Variants in FAM171A1 observed in about 807,000 individuals in gnomAD.
The protein encoded by FAM171A1 is family with sequence similarity 171 member A1.
Under a neutral mutation model 74.9 loss-of-function variants are expected in FAM171A1, and 23 were observed. That is an observed-to-expected ratio of 0.31 (90% CI 0.22 to 0.44). The LOEUF (loss-of-function observed/expected upper bound fraction) is 0.44. Among genes scored for constraint, FAM171A1 ranks in the 20% least tolerant of loss-of-function variants. The pLI is 1.00. For synonymous variants in FAM171A1, 527 were observed against 505.7 expected (o/e 1.04, Z -0.57); for missense variants, 1,162 against 1,159.2 (o/e 1.00, Z -0.03).
In FAM171A1 at chr10:15,367,896, A is replaced by G. The variant is rs148780057; in HGVS notation, c.97+3060T>C. On this transcript the variant is annotated intron_variant, in intron 1 of 7. Coordinates refer to ENST00000378116, the MANE Select transcript of FAM171A1 (RefSeq NM_001010924.2). ...CTCTGACCTTCCTTTTGGCACATAA[A>G]TAAGAGTGCTGGGCTTCAAAAACAC... Among the ~76,000 whole-genome samples, 16 of 152,332 alleles carry G rather than the reference A, an allele frequency of 1.1e-4. No homozygotes were observed. The East Asian group carries it at 2.7e-3, about 26-fold the overall frequency.
chr10:15,347,603 C>T (rs1835831242), intron 1 of FAM171A1, among the ~76,000 whole-genome samples: 3 of 151,608 alleles, frequency 2.0e-5, no homozygotes, highest in South Asian at 2.1e-4. Flanking sequence ...TTTGGGAGGC[C>T]GAGGCGAGTG....
chr10:15,310,287 T>C (rs1046747428), intron 1 of FAM171A1, among the ~76,000 whole-genome samples: 20 of 152,186 alleles, frequency 1.3e-4, no homozygotes, highest in Admixed American at 6.5e-5. Flanking sequence ...CAATAAATCA[T>C]CACACGGTTT....
intron 1 of FAM171A1, among the ~76,000 whole-genome samples, chr10:15,361,713 CT>C (rs1295290946): frequency 3.9e-5 from 6 of 152,200 alleles, no homozygotes; most frequent in South Asian, 2.1e-4. Context: ...ACTGATAGGA[CT>C]CACTTTATGG....
chr10:15,217,957 A>G (rs1209166343), intron 6 of FAM171A1, among the ~76,000 whole-genome samples: 2 of 152,094 alleles, frequency 1.3e-5, no homozygotes, highest in Admixed American at 1.3e-4. Context: ...TCATGCAAAG[A>G]CAATAGACAA....
chr10:15,227,688 T>G (rs568354776), intron 5 of FAM171A1, among the ~76,000 whole-genome samples: 1 of 152,218 alleles, frequency 6.6e-6, no homozygotes, highest in Non-Finnish European at 1.5e-5. Flanking sequence ...CCTTGAAGTA[T>G]CATTCTTTAG....
intron 1 of FAM171A1, among the ~76,000 whole-genome samples, chr10:15,350,399 G>A (rs539211043): frequency 1.3e-4 from 20 of 152,078 alleles, no homozygotes; most frequent in African/African-American, 4.1e-4. Context: ...GTGCAGTGGC[G>A]TGATCTCGGC....
At position 15,221,038 on chromosome 10, in the gene FAM171A1, C is replaced by T; in HGVS notation, c.777G>A (p.Leu259=). The change falls in exon 6 of 8, where the codon CTG becomes CTA. Residue 259 remains leucine, a synonymous_variant. Transcript: ENST00000378116. ...GGCTGCCTTCCTGGTGCACAAGACC[C>T]AGACCGCTCTTCAGCCACGTTCCTG... ...QKLGTWLKSG[L]GLVHQEGSQL... 1.2e-6 allele frequency: 2 copies of T among 1,614,100 alleles called. No homozygotes were observed. The highest frequency in any genetic ancestry group is 8.5e-7 in the Non-Finnish European group (1 of 1,180,000).
At chr10:15,337,286 G>A (rs1187741272) in intron 1 of FAM171A1, among the ~76,000 whole-genome samples, 1 of 152,182 alleles carries the variant, frequency 6.6e-6, no homozygotes, top group African/African-American at 2.4e-5. Context: ...AATGGTCTTT[G>A]ATCTATACTT....
At chr10:15,300,881 G>A (rs967261995) in intron 1 of FAM171A1, among the ~76,000 whole-genome samples, 3 of 152,124 alleles carry the variant, frequency 2.0e-5, no homozygotes, top group Non-Finnish European at 2.9e-5. Flanking sequence ...ATAATTAGCC[G>A]ATTGTTTCCC....
chr10:15,221,321 A>C (rs4750608), intron 5 of FAM171A1, among the ~76,000 whole-genome samples: 78,009 of 151,998 alleles, frequency 0.51, 22,152 homozygotes, highest in African/African-American at 0.77. Context: ...TTATCAAACA[A>C]CCCTCCTTCC....
intron 3 of FAM171A1, among the ~76,000 whole-genome samples, chr10:15,255,323 G>A (rs1400091852): frequency 6.6e-6 from 1 of 152,132 alleles, no homozygotes; most frequent in African/African-American, 2.4e-5. Flanking sequence ...CTGGTTTAAT[G>A]CCATGAACCA....
chr10:15,317,780 T>G (rs1019746248), intron 1 of FAM171A1, among the ~76,000 whole-genome samples: 8 of 152,182 alleles, frequency 5.3e-5, no homozygotes, highest in African/African-American at 1.9e-4. Flanking sequence ...TTATTTATTA[T>G]TATTTATTCA....
Position 15,317,458 on chromosome 10 carries a change from C to T in FAM171A1, c.98-33353G>A, listed in dbSNP as rs534045650. Among the ~76,000 whole-genome samples, 29 of 152,312 alleles carry T rather than the reference C, an allele frequency of 1.9e-4. No homozygotes were observed. The South Asian group carries it at 2.9e-3, about 15-fold the overall frequency. ...TTGCCCAGACTGGAGTGTAGTGGTACGATCTCAGCTTCTACGACCTCCACT... is the reference window on the plus strand; with the variant it reads ...TTGCCCAGACTGGAGTGTAGTGGTATGATCTCAGCTTCTACGACCTCCACT... On this transcript the variant is annotated intron_variant, in intron 1 of 7. Coordinates refer to ENST00000378116, the MANE Select transcript of FAM171A1 (RefSeq NM_001010924.2).
At chr10:15,325,497 T>C (rs999629586) in intron 1 of FAM171A1, among the ~76,000 whole-genome samples, 2 of 152,128 alleles carry the variant, frequency 1.3e-5, no homozygotes, top group African/African-American at 2.4e-5. Context: ...GACAGAGTGA[T>C]ACTCCATCTC....
intron 3 of FAM171A1, among the ~76,000 whole-genome samples, chr10:15,269,123 C>A (rs547143137): frequency 6.6e-6 from 1 of 152,096 alleles, no homozygotes; most frequent in South Asian, 2.1e-4. Context: ...TTTATTTATT[C>A]ACTTTTTTGA....
chr10:15,260,882 G>T (rs141636608), intron 3 of FAM171A1, among the ~76,000 whole-genome samples: 1 of 152,192 alleles, frequency 6.6e-6, no homozygotes, highest in Non-Finnish European at 1.5e-5. Context: ...TCTGGGGAGG[G>T]GGGGCAAAGT....
At chr10:15,347,831 T>A (rs1835833689) in intron 1 of FAM171A1, among the ~76,000 whole-genome samples, 1 of 74,136 alleles carries the variant, frequency 1.3e-5, no homozygotes, top group African/African-American at 6.9e-5. Flanking sequence ...CGAGACTCCA[T>A]CTCAAAAAAA....
intron 1 of FAM171A1, among the ~76,000 whole-genome samples, chr10:15,307,366 C>CG (rs1408341263): frequency 6.6e-6 from 1 of 152,020 alleles, no homozygotes; most frequent in African/African-American, 2.4e-5. Flanking sequence ...GACTTGAGGC[C>CG]GGGTGCAGTG....
intron 3 of FAM171A1, among the ~76,000 whole-genome samples, chr10:15,256,108 C>G (rs2131770849): frequency 6.6e-6 from 1 of 152,318 alleles, no homozygotes; most frequent in South Asian, 2.1e-4. Flanking sequence ...AGACCACATT[C>G]CACCTGTGCT....
Sources: gnomAD v4.1 joint callset for allele counts (sites outside exome capture counted in the v4.1 genomes callset) on GRCh38, gnomAD v4.1.1 for gene constraint, MANE v1.5 for transcripts, NCBI Gene and HGNC (gene_info 2026-07-23, HGNC 2026-07-21) for gene names.